Variants in SNURF observed in about 807,000 individuals in gnomAD.
The protein encoded by SNURF is SNURF protein.
A neutral mutation model predicts 11.6 loss-of-function variants in SNURF; 6 were observed. The ratio of observed to expected loss-of-function variants is 0.52; its 90% CI spans 0.28 to 1.02. The LOEUF (loss-of-function observed/expected upper bound fraction) is 1.02. SNURF is among the 50% of genes least tolerant of loss of function. The probability of loss-of-function intolerance (pLI) is 0.09; values close to 1 mark genes in which losing one functional copy is unlikely to be tolerated. For missense variants in SNURF, 84 were observed against 88.4 expected, an observed-to-expected ratio of 0.95 and a Z score of 0.20; for synonymous variants, 29 against 31.6, an observed-to-expected ratio of 0.92 and a Z score of 0.27.
downstream of SNURF, among the ~76,000 whole-genome samples, chr15:24,970,459 A>G (rs1410335090): frequency 6.6e-6 from 1 of 152,078 alleles, no homozygotes; most frequent in Admixed American, 6.6e-5. Context: ...GACACCTGTA[A>G]TCCCAGCTAC....
chr15:24,962,050 G>T, intron 1 of SNURF, 64 bp from the exon 2 acceptor site: 2 of 1,309,458 alleles, frequency 1.5e-6, no homozygotes, highest in South Asian at 2.4e-5. Context: ...ATATAACCTT[G>T]ACAAATAGTT....
chr15:24,956,354 C>CGGTG (rs66513284), intron 1 of SNURF, among the ~76,000 whole-genome samples: 2 of 138,158 alleles, frequency 1.4e-5, no homozygotes, highest in Admixed American at 7.7e-5. Context: ...AGCGCTTCAG[C>CGGTG]GGGGGGGTGG....
At chr15:24,976,882 C>T (rs2077123681) in exon 6 of SNURF, 3 of 1,607,412 alleles carry the variant, frequency 1.9e-6, no homozygotes, top group Non-Finnish European at 2.5e-6. Flanking sequence ...TTCAGACTGG[C>T]ATTGCTCGGG....
At chr15:24,972,856 A>G (rs12913403), downstream of SNURF, among the ~76,000 whole-genome samples, 3,698 of 151,860 alleles carry the variant, frequency 0.024, 56 homozygotes, top group Middle Eastern at 0.055. Flanking sequence ...AAGATTACAA[A>G]ACCATGTTTT....
At chr15:24,974,797 G>C (rs764610745) in intron 3 of SNURF, 6 of 638,238 alleles carry the variant, frequency 9.4e-6, no homozygotes, top group Admixed American at 2.5e-5. Flanking sequence ...GACCTCTGGT[G>C]ATCCACCCAC....
intron 3 of SNURF, chr15:24,974,399 T>TTGCTAGCCTTCCCCTAGATG (rs2076823680): frequency 6.3e-7 from 1 of 1,577,328 alleles, no homozygotes; most frequent in Admixed American, 1.7e-5. Flanking sequence ...TTCCCCTAGG[T>TTGCTAGCCTTCCCCTAGATG]CTTCAGAAGC....
chr15:24,968,984 A>T (rs1306742832), downstream of SNURF, among the ~76,000 whole-genome samples: 1 of 136,992 alleles, frequency 7.3e-6, no homozygotes, highest in East Asian at 1.9e-4. Context: ...CTGAGAGTTT[A>T]CTATTTACTT....
chr15:24,972,452 G>T (rs1319551410), downstream of SNURF, among the ~76,000 whole-genome samples: 4 of 151,692 alleles, frequency 2.6e-5, no homozygotes, highest in East Asian at 7.8e-4. Flanking sequence ...AAGTTCTTTT[G>T]AGATCTTTAT....
At chr15:24,966,524 C>T (rs2075664139) in intron 2 of SNURF, among the ~76,000 whole-genome samples, 1 of 152,152 alleles carries the variant, frequency 6.6e-6, no homozygotes, top group Admixed American at 6.5e-5. Flanking sequence ...CCCAGGAGGG[C>T]TTGCTCAAAA....
intron 3 of SNURF, chr15:24,974,145 T>G: frequency 2.6e-6 from 1 of 379,948 alleles, no homozygotes; most frequent in East Asian, 5.0e-5. Flanking sequence ...ATGTGAGAGT[T>G]AAGAATGAGG....
intron 1 of SNURF, among the ~76,000 whole-genome samples, chr15:24,961,546 G>T (rs1211562323): frequency 6.6e-6 from 1 of 152,024 alleles, no homozygotes; most frequent in East Asian, 1.9e-4. Context: ...AACATGGCGG[G>T]TTTTTTGTTT....
chr15:24,970,129 A>G (rs2076216517), downstream of SNURF, among the ~76,000 whole-genome samples: 1 of 152,232 alleles, frequency 6.6e-6, no homozygotes, highest in South Asian at 2.1e-4. Context: ...TACAGCGTAG[A>G]CAATCAGATG....
At chr15:24,967,827 AAG>A in intron 2 of SNURF, 103 bp from the exon 3 acceptor site, 5 of 926,228 alleles carry the variant, frequency 5.4e-6, no homozygotes, top group Non-Finnish European at 8.2e-6. Context: ...AAAAAAAAAA[AAG>A]GAATATCTTC....
chr15:24,977,773 C>T (rs886051019), intron 6 of SNURF: 7 of 1,589,468 alleles, frequency 4.4e-6, no homozygotes, highest in Middle Eastern at 1.7e-4. Flanking sequence ...GCCCTGCCTT[C>T]TCAGGTAATG....
At chr15:24,965,694 A>ATAT (rs2075515937) in intron 2 of SNURF, among the ~76,000 whole-genome samples, 1 of 152,274 alleles carries the variant, frequency 6.6e-6, no homozygotes, top group South Asian at 2.1e-4. Context: ...TTGTCTTAAT[A>ATAT]TATTTTATGC....
Position 24,977,111 on chromosome 15 carries a change from A to G in SNURF, c.*462+82A>G, listed in dbSNP as rs145894886. On this transcript the variant is annotated intron_variant and NMD_transcript_variant, in intron 6 of 6. Transcript: ENST00000580062. Reference sequence around the variant, plus strand: ...CGAGGAGATTTAAAAACCTAAGTGTATGTGTCATACAATGTAAACAGCATA... The same window carrying G: ...CGAGGAGATTTAAAAACCTAAGTGTGTGTGTCATACAATGTAAACAGCATA... 372 of 1,140,826 alleles carry G rather than the reference A, an allele frequency of 3.3e-4. 3 individuals are homozygous for G. The African/African-American group carries it at 5.2e-3, about 16-fold the overall frequency. The allele number at this position is 1,140,826 out of a possible 1,614,324, so 70.7% of individuals were successfully genotyped here.
At chr15:24,971,877 T>C (rs2076447413), downstream of SNURF, among the ~76,000 whole-genome samples, 1 of 152,230 alleles carries the variant, frequency 6.6e-6, no homozygotes, top group South Asian at 2.1e-4. Flanking sequence ...ATCACCACAG[T>C]AAGATCTGTC....
chr15:24,955,828 AT>A (rs1413563282), intron 1 of SNURF, among the ~76,000 whole-genome samples: 1 of 150,704 alleles, frequency 6.6e-6, no homozygotes, highest in African/African-American at 2.4e-5. Flanking sequence ...GGCGGTAGGC[AT>A]GGCGGCGGTG....
chr15:24,968,193 C>CAA (rs2075927392), exon 3 of SNURF: 1 of 681,064 alleles, frequency 1.5e-6, no homozygotes, highest in African/African-American at 1.8e-5. Flanking sequence ...GAGCTTCATA[C>CAA]AATAAACACA....
Sources: allele counts gnomAD v4.1 joint callset (sites outside exome capture counted in the v4.1 genomes callset), GRCh38; gene constraint gnomAD v4.1.1; transcripts MANE v1.5; gene names NCBI Gene and HGNC (gene_info 2026-07-23, HGNC 2026-07-21).